ADGRB3: variants seen among roughly 807,000 people sequenced by gnomAD.
ADGRB3 encodes the protein brain-specific angiogenesis inhibitor 3.
A neutral mutation model predicts 193.4 loss-of-function variants in ADGRB3; 37 were observed. The observed-to-expected ratio is 0.19, with a 90% confidence interval of 0.15 to 0.25. ADGRB3 has a LOEUF of 0.25. ADGRB3 is among the 10% of genes least tolerant of loss of function. ADGRB3 has a pLI of 1.00. For missense variants in ADGRB3, 1,637 were observed against 1,852.9 expected (o/e 0.88, Z 2.14); for synonymous variants, 690 against 644.2 (o/e 1.07, Z -1.08).
chr6:69,280,650 A>C (rs1183912733), intron 20 of ADGRB3, among the ~76,000 whole-genome samples: 1 of 152,240 alleles, frequency 6.6e-6, no homozygotes, highest in African/African-American at 2.4e-5. Flanking sequence ...AGCAAGTGCC[A>C]TCCAAATATT....
At chr6:68,941,786 A>C (rs1212455875) in intron 5 of ADGRB3, among the ~76,000 whole-genome samples, 2 of 151,828 alleles carry the variant, frequency 1.3e-5, no homozygotes, top group South Asian at 2.1e-4. Context: ...ATATGCCAAA[A>C]TATATTAATG....
At chr6:68,957,592 C>T (rs1228123440) in intron 8 of ADGRB3, among the ~76,000 whole-genome samples, 1 of 152,146 alleles carries the variant, frequency 6.6e-6, no homozygotes, top group African/African-American at 2.4e-5. Context: ...CCTGTTGCTG[C>T]TAGTAACTCT....
At chr6:68,880,856 T>C (rs2150224281) in intron 3 of ADGRB3, among the ~76,000 whole-genome samples, 1 of 152,342 alleles carries the variant, frequency 6.6e-6, no homozygotes, top group Non-Finnish European at 1.5e-5. Context: ...GTTTTTCTTT[T>C]TCTCATATAA....
intron 3 of ADGRB3, among the ~76,000 whole-genome samples, chr6:68,859,890 A>G (rs187844197): frequency 6.6e-4 from 100 of 152,338 alleles, no homozygotes; most frequent in African/African-American, 2.2e-3. Flanking sequence ...TTTGTTGTTT[A>G]CATAGATAAT....
chr6:68,991,996 C>T lies in ADGRB3; in HGVS notation c.1735-1772C>T, dbSNP rs115355557. 2.4e-3 allele frequency among the ~76,000 whole-genome samples: 367 copies of T among 152,170 alleles called. 4 individuals are homozygous for T. The highest frequency in any genetic ancestry group is 8.5e-3 in the African/African-American group (354 of 41,534). ...CAAAGGTGTACTTAGGGCATAACAACTGAATTCACTGCAACAAAATTTTGC... is the reference window on the plus strand; with the variant it reads ...CAAAGGTGTACTTAGGGCATAACAATTGAATTCACTGCAACAAAATTTTGC... On this transcript the variant is annotated intron_variant, in intron 10 of 31. Coordinates refer to ENST00000370598, the MANE Select transcript of ADGRB3 (RefSeq NM_001704.3).
At chr6:69,043,448 T>C (rs1409724521) in intron 13 of ADGRB3, among the ~76,000 whole-genome samples, 3 of 152,226 alleles carry the variant, frequency 2.0e-5, no homozygotes, top group Non-Finnish European at 4.4e-5. Flanking sequence ...TTTTGTTATA[T>C]GAATATAATC....
At chr6:69,356,335 G>C (rs75085728) in intron 28 of ADGRB3, among the ~76,000 whole-genome samples, 8,237 of 152,208 alleles carry the variant, frequency 0.054, 316 homozygotes, top group Admixed American at 0.086. Context: ...AATAAAGTAA[G>C]AATCAGGAGG....
chr6:69,203,698 T>G (rs1021669502), intron 17 of ADGRB3, among the ~76,000 whole-genome samples: 1 of 152,160 alleles, frequency 6.6e-6, no homozygotes, highest in Non-Finnish European at 1.5e-5. Context: ...ATCTACTTAC[T>G]CTCATGTATC....
intron 17 of ADGRB3, among the ~76,000 whole-genome samples, chr6:69,082,068 T>C (rs1464983518): frequency 6.6e-6 from 1 of 152,118 alleles, no homozygotes; most frequent in African/African-American, 2.4e-5. Flanking sequence ...ACAGTCATTC[T>C]TATTTGTTTA....
At chr6:68,887,902 G>A (rs1765954275) in intron 3 of ADGRB3, among the ~76,000 whole-genome samples, 1 of 152,074 alleles carries the variant, frequency 6.6e-6, no homozygotes, top group Admixed American at 6.6e-5. Flanking sequence ...AGTTCGTTAT[G>A]AACAATCATA....
At chr6:69,339,064 T>A (rs1172103879) in intron 25 of ADGRB3, 50 bp downstream of exon 25, 1 of 1,577,094 alleles carries the variant, frequency 6.3e-7, no homozygotes, top group Admixed American at 1.7e-5. Flanking sequence ...TTACAGTGCA[T>A]GTGAGAAAAT....
chr6:69,187,379 C>G (rs1290838210), intron 17 of ADGRB3, among the ~76,000 whole-genome samples: 1 of 152,238 alleles, frequency 6.6e-6, no homozygotes, highest in East Asian at 1.9e-4. Flanking sequence ...TCGTATAAGA[C>G]TTTCTGGTGA....
At chr6:68,821,468 T>C (rs1318805297) in intron 3 of ADGRB3, among the ~76,000 whole-genome samples, 1 of 152,016 alleles carries the variant, frequency 6.6e-6, no homozygotes, top group Non-Finnish European at 1.5e-5. Context: ...TACATATTGC[T>C]TAAGTGCTAA....
chr6:69,239,362 G>T (rs1436076847), intron 20 of ADGRB3, 136 bp downstream of exon 20: 2 of 593,102 alleles, frequency 3.4e-6, no homozygotes, highest in Non-Finnish European at 5.8e-6. Context: ...TTTTGTTATT[G>T]GTTTATGAAT....
intron 16 of ADGRB3, among the ~76,000 whole-genome samples, chr6:69,063,794 A>G (rs2005033): frequency 0.49 from 75,068 of 151,806 alleles, 20,714 homozygotes; most frequent in East Asian, 0.96. Context: ...TTCAATGTCT[A>G]CTTATTATTT....
intron 3 of ADGRB3, among the ~76,000 whole-genome samples, chr6:68,688,645 C>T (rs1478573434): frequency 1.3e-5 from 2 of 152,148 alleles, no homozygotes; most frequent in African/African-American, 4.8e-5. Context: ...TGAAATATCT[C>T]ATTTGTGTAA....
chr6:68,698,830 G>A (rs1765196054), intron 3 of ADGRB3, among the ~76,000 whole-genome samples: 1 of 152,036 alleles, frequency 6.6e-6, no homozygotes, highest in South Asian at 2.1e-4. Context: ...AAAGACACAG[G>A]TAATAGTCAC....
chr6:69,325,063 G>T lies in ADGRB3; in HGVS notation c.2965+41G>T, dbSNP rs756426044. The T allele has an allele frequency of 1.9e-6, 3 of 1,586,698 alleles. No individual in the cohort carries two copies. The African/African-American group carries it at 4.1e-5, about 22-fold the overall frequency. On this transcript the variant is annotated intron_variant, in intron 21 of 31. Transcript: ENST00000370598. ...TACCGTTTCATGCTCTTCTCAAAAT[G>T]ACGTTGAACACACATTAGAAAGCAG...
chr6:68,842,050 G>A (rs1339359025), intron 3 of ADGRB3, among the ~76,000 whole-genome samples: 3 of 151,906 alleles, frequency 2.0e-5, no homozygotes, highest in Non-Finnish European at 2.9e-5. Context: ...AAAGATAAAT[G>A]CTTGAGGAAG....
Sources: allele counts gnomAD v4.1 joint callset (sites outside exome capture counted in the v4.1 genomes callset), GRCh38; gene constraint gnomAD v4.1.1; transcripts MANE v1.5; gene names NCBI Gene and HGNC (gene_info 2026-07-23, HGNC 2026-07-21).